RGS7: variants seen among roughly 807,000 people sequenced by gnomAD.
RGS7 encodes regulator of G protein signaling 7, also known as regulator of G-protein signaling 7.
RGS7 carries 27 observed loss-of-function variants against 81.1 expected under a neutral mutation model. The observed-to-expected ratio is 0.33, with a 90% confidence interval of 0.25 to 0.46. The LOEUF is 0.46. Ranked by LOEUF, RGS7 falls within the 20% of genes least tolerant of loss-of-function variation. The pLI is 1.00. For synonymous variants in RGS7, 208 were observed against 207.7 expected (o/e 1.00, Z -0.01); for missense variants, 396 against 607.4 (o/e 0.65, Z 3.66).
chr1:241,113,716 G>T (rs759609949), intron 2 of RGS7, among the ~76,000 whole-genome samples: 2 of 152,098 alleles, frequency 1.3e-5, no homozygotes, highest in Non-Finnish European at 2.9e-5. Context: ...GCCTCTCTGG[G>T]CTAGGTCTTT....
chr1:240,826,377 C>G (rs144856908), intron 10 of RGS7, among the ~76,000 whole-genome samples: 1 of 152,246 alleles, frequency 6.6e-6, no homozygotes, highest in African/African-American at 2.4e-5. Flanking sequence ...GTGCTTACTA[C>G]AGGGACACAG....
At chr1:240,839,961 A>C (rs1204341198) in intron 9 of RGS7, among the ~76,000 whole-genome samples, 2 of 152,118 alleles carry the variant, frequency 1.3e-5, no homozygotes, top group African/African-American at 4.8e-5. Context: ...TTGATTCATC[A>C]GCGCATCATG....
intron 13 of RGS7, among the ~76,000 whole-genome samples, 163 bp downstream of exon 13, chr1:240,813,455 T>A (rs1158514136): frequency 6.6e-6 from 1 of 151,588 alleles, no homozygotes; most frequent in Non-Finnish European, 1.5e-5. Context: ...TGCAAATGTC[T>A]AAGTTTCAAA....
At chr1:241,219,410 T>A (rs924598174) in intron 2 of RGS7, among the ~76,000 whole-genome samples, 1 of 152,220 alleles carries the variant, frequency 6.6e-6, no homozygotes, top group African/African-American at 2.4e-5. Context: ...CCCAGTCACA[T>A]GGAACTGTAA....
rs34568911 is a variant in RGS7, at chr1:240,780,439, CAAAAAAAA to C, written c.*7-4234_*7-4227del. On this transcript the variant is annotated intron_variant, in intron 18 of 18. Transcript: ENST00000440928. ...TGGGCTACAGAGTGAGACTCTGTCT[CAAAAAAAA>C]AAAAAAAAAAAAAAAAAAGTGCTTC... Among the ~76,000 whole-genome samples the C allele has an allele frequency of 5.0e-4, 20 of 40,208 alleles. 1 individual carries two copies. The East Asian group carries it at 6.6e-3, about 13-fold the overall frequency. The allele number at this position is 40,208 out of a possible 152,430, so 26.4% of individuals were successfully genotyped here.
chr1:240,810,374 A>T (rs1398874115), intron 14 of RGS7, among the ~76,000 whole-genome samples: 1 of 151,928 alleles, frequency 6.6e-6, no homozygotes, highest in Admixed American at 6.6e-5. Context: ...AGAGAATGAG[A>T]GGAATGTCCA....
intron 3 of RGS7, among the ~76,000 whole-genome samples, chr1:241,011,313 C>A (rs1469375956): frequency 1.3e-5 from 2 of 152,134 alleles, no homozygotes; most frequent in African/African-American, 4.8e-5. Flanking sequence ...TCCTTCCTGG[C>A]AGCAGGGGAG....
At chr1:240,785,292 T>C (rs2102986971) in intron 18 of RGS7, among the ~76,000 whole-genome samples, 1 of 152,350 alleles carries the variant, frequency 6.6e-6, no homozygotes, top group Middle Eastern at 3.4e-3. Context: ...GGTCACCTGT[T>C]TGTGCATGTA....
intron 2 of RGS7, among the ~76,000 whole-genome samples, chr1:241,292,766 A>G (rs1429500621): frequency 1.3e-5 from 2 of 152,228 alleles, no homozygotes; most frequent in Non-Finnish European, 1.5e-5. Flanking sequence ...TAAAGAGGAA[A>G]TAAAGAGAAG....
chr1:241,053,763 G>A (rs1254913581), intron 3 of RGS7, among the ~76,000 whole-genome samples: 1 of 152,140 alleles, frequency 6.6e-6, no homozygotes, highest in African/African-American at 2.4e-5. Flanking sequence ...CTGAATCAAG[G>A]GGGGCAGTTT....
intron 4 of RGS7, among the ~76,000 whole-genome samples, chr1:240,981,029 T>C (rs1313008959): frequency 1.3e-5 from 2 of 152,192 alleles, no homozygotes; most frequent in Non-Finnish European, 2.9e-5. Flanking sequence ...AATGATTGTT[T>C]CTTACTAGCT....
intron 2 of RGS7, among the ~76,000 whole-genome samples, chr1:241,301,517 T>A (rs745960042): frequency 2.0e-5 from 3 of 152,194 alleles, no homozygotes; most frequent in Non-Finnish European, 4.4e-5. Context: ...CAAGATGAAC[T>A]GGTAGAGAGA....
chr1:240,861,737 T>A (rs1347887000), intron 9 of RGS7, among the ~76,000 whole-genome samples: 1 of 151,520 alleles, frequency 6.6e-6, no homozygotes, highest in Non-Finnish European at 1.5e-5. Context: ...AATTTCACAA[T>A]TTTTTTTTGT....
intron 2 of RGS7, among the ~76,000 whole-genome samples, chr1:241,274,214 A>C (rs1384505681): frequency 1.3e-5 from 2 of 152,216 alleles, no homozygotes; most frequent in African/African-American, 4.8e-5. Context: ...AGTTCCCACC[A>C]CATCTTTGTC....
At chr1:241,238,464 T>C (rs573116460) in intron 2 of RGS7, among the ~76,000 whole-genome samples, 83 of 152,302 alleles carry the variant, frequency 5.4e-4, no homozygotes, top group Middle Eastern at 6.8e-3. Flanking sequence ...CTTTATTACA[T>C]ACACAATTGC....
At chr1:241,165,156 T>C (rs1479800497) in intron 2 of RGS7, among the ~76,000 whole-genome samples, 1 of 152,214 alleles carries the variant, frequency 6.6e-6, no homozygotes, top group Non-Finnish European at 1.5e-5. Context: ...CAGCAGTTTA[T>C]GTTTTTAACC....
At chr1:241,292,860 T>C (rs929398538) in intron 2 of RGS7, among the ~76,000 whole-genome samples, 7 of 152,250 alleles carry the variant, frequency 4.6e-5, no homozygotes, top group African/African-American at 1.4e-4. Flanking sequence ...AGGAAAAGTA[T>C]AGCTCTTTAA....
At chr1:241,224,908 C>A (rs2075226020) in intron 2 of RGS7, among the ~76,000 whole-genome samples, 1 of 152,134 alleles carries the variant, frequency 6.6e-6, no homozygotes, top group Non-Finnish European at 1.5e-5. Context: ...TTGGAGATGA[C>A]CTAGACCCTA....
At chr1:240,878,485 C>CTTTTTTTTTTTTTTT (rs1558400005) in intron 6 of RGS7, among the ~76,000 whole-genome samples, 1 of 90,384 alleles carries the variant, frequency 1.1e-5, no homozygotes, top group East Asian at 3.8e-4. Flanking sequence ...TTTCTTTTTT[C>CTTTTTTTTTTTTTTT]TTTCTTTTTT....
Sources: gnomAD v4.1 joint callset for allele counts (sites outside exome capture counted in the v4.1 genomes callset) on GRCh38, gnomAD v4.1.1 for gene constraint, MANE v1.5 for transcripts, NCBI Gene and HGNC (gene_info 2026-07-23, HGNC 2026-07-21) for gene names.